Variants in PTPN6 observed in about 807,000 individuals in gnomAD.
PTPN6 encodes protein tyrosine phosphatase non-receptor type 6, also known as tyrosine-protein phosphatase non-receptor type 6.
A neutral mutation model predicts 81.5 loss-of-function variants in PTPN6; 18 were observed. The ratio of observed to expected loss-of-function variants is 0.22; its 90% CI spans 0.15 to 0.33. The LOEUF (loss-of-function observed/expected upper bound fraction) is 0.33. Among genes scored for constraint, PTPN6 ranks in the 10% least tolerant of loss-of-function variants. The pLI is 1.00. For synonymous variants in PTPN6, 301 were observed against 310.9 expected (o/e 0.97, Z 0.33); for missense variants, 500 against 794.2 (o/e 0.63, Z 4.45).
chr12:6,961,002 T>C (rs782512613), intron 15 of PTPN6, 57 bp downstream of exon 15: 2 of 1,547,220 alleles, frequency 1.3e-6, no homozygotes, highest in Non-Finnish European at 1.7e-6. Flanking sequence ...TTGGCTCCAC[T>C]GCCTTCCCTG....
In PTPN6 at chr12:6,956,646, G is replaced by A. The variant is rs1946037938; in HGVS notation, c.1074+78G>A. The A allele has an allele frequency of 6.3e-7, 1 of 1,579,420 alleles. No individual in the cohort carries two copies. Among genetic ancestry groups the A allele is most frequent in the South Asian group, 1.1e-5 (1 of 89,830 alleles). On this transcript the variant is annotated intron_variant, in intron 9 of 15. Transcript: ENST00000318974. The surrounding 1 kb of genome is among the most constrained non-coding windows in gnomAD (Gnocchi z 4.1). ...TAAGTCGAAGAGCAGTCAGATGCCA[G>A]GGCAGAAAGGGATCTCAGGGGTGAG...
At position 6,957,244 on chromosome 12, in the gene PTPN6, T is replaced by C. The variant is rs1946047995; in HGVS notation, c.1075-410T>C. On this transcript the variant is annotated intron_variant, in intron 9 of 15. Coordinates refer to ENST00000318974, the MANE Select transcript of PTPN6 (RefSeq NM_002831.6). This position sits in a 1 kb window ranked among gnomAD's most constrained non-coding sequence, Gnocchi z 6.5. ...GCCTCCTCTGTGAATCCAGGTCTTG[T>C]TTCCTCCAGGACCTAGAGGGAGAAT... 6.6e-6 allele frequency among the ~76,000 whole-genome samples: 1 copy of C among 152,220 alleles called. No individual in the cohort carries two copies. Among genetic ancestry groups the C allele is most frequent in the Non-Finnish European group, 1.5e-5 (1 of 68,034 alleles).
Position 6,960,003 on chromosome 12 carries a change from C to T in PTPN6, c.1429+9C>T, listed in dbSNP as rs1555149420. Reference sequence around the variant, plus strand: ...GAACATCTCCACCAAGGGTGAGGGGCACCTGGGGGTTTGGGGGTGGGGGGT... The same window carrying T: ...GAACATCTCCACCAAGGGTGAGGGGTACCTGGGGGTTTGGGGGTGGGGGGT... On this transcript the variant is annotated intron_variant, in intron 12 of 15. Coordinates refer to ENST00000318974, the MANE Select transcript of PTPN6 (RefSeq NM_002831.6). The surrounding 1 kb of genome is among the most constrained non-coding windows in gnomAD (Gnocchi z 6.1). 3.1e-6 allele frequency: 5 copies of T among 1,600,168 alleles called. No homozygotes were observed. Among genetic ancestry groups the T allele is most frequent in the African/African-American group, 2.7e-5 (2 of 74,384 alleles).
In PTPN6 at chr12:6,957,162, C is replaced by T. The variant is rs1946046177; in HGVS notation, c.1075-492C>T. Among the ~76,000 whole-genome samples, 2 of 152,352 alleles carry T rather than the reference C, an allele frequency of 1.3e-5. No homozygotes were observed. The highest frequency in any genetic ancestry group is 4.1e-4 in the South Asian group (2 of 4,820). ...TCATTTTCTGCTAGGAAATGACTCT[C>T]TCCACACTATCTCTGCCTGGCAGAT... On this transcript the variant is annotated intron_variant, in intron 9 of 15. Transcript: ENST00000318974. The surrounding 1 kb of genome is among the most constrained non-coding windows in gnomAD (Gnocchi z 6.5).
upstream of PTPN6, among the ~76,000 whole-genome samples, chr12:6,950,533 G>A (rs1423766876): frequency 6.6e-6 from 1 of 152,168 alleles, no homozygotes. Context: ...GAGGCCTAGG[G>A]ACAAGAATTA....
Position 6,954,753 on chromosome 12 carries a change from G to A in PTPN6, c.327-52G>A, listed in dbSNP as rs1565581464. 7.6e-6 allele frequency: 12 copies of A among 1,568,758 alleles called. No individual in the cohort carries two copies. The highest frequency in any genetic ancestry group is 1.0e-5 in the Non-Finnish European group (12 of 1,150,158). ...CCCTCTCTGTGAATGTCTCTGCTCA[G>A]CGCCTTCCCCTGTGGCCTGGGTCTT... On this transcript the variant is annotated intron_variant, in intron 3 of 15. Coordinates refer to ENST00000318974, the MANE Select transcript of PTPN6 (RefSeq NM_002831.6). The surrounding 1 kb of genome is among the most constrained non-coding windows in gnomAD (Gnocchi z 5.4).
chr12:6,951,821 G>C lies in PTPN6; in HGVS notation c.131+90G>C. On this transcript the variant is annotated intron_variant, in intron 2 of 15. Coordinates refer to ENST00000318974, the MANE Select transcript of PTPN6 (RefSeq NM_002831.6). The surrounding 1 kb of genome is among the most constrained non-coding windows in gnomAD (Gnocchi z 7.2). ...CACTCATTCCTGGTTCCCCGTGGCA[G>C]TGCTGACTCCCCGTCTGTTCCCTTG... The C allele has an allele frequency of 6.3e-7, 1 of 1,595,484 alleles. No homozygotes were observed.
chr12:6,954,206 G>C lies in PTPN6; in HGVS notation c.327-599G>C, dbSNP rs186126787. Among the ~76,000 whole-genome samples the C allele has an allele frequency of 1.3e-5, 2 of 152,094 alleles. No homozygotes were observed. Among genetic ancestry groups the C allele is most frequent in the Non-Finnish European group, 2.9e-5 (2 of 68,002 alleles). On this transcript the variant is annotated intron_variant, in intron 3 of 15. Transcript: ENST00000318974. The surrounding 1 kb of genome is among the most constrained non-coding windows in gnomAD (Gnocchi z 5.4). ...TTTCCCCAGTGGGGTTGTCTTCCCC[G>C]CCTCCCTGGCGGAGCGCACCCCATC...
At chr12:6,958,422 G>C (rs782472050) in intron 11 of PTPN6, among the ~76,000 whole-genome samples, 10 of 152,248 alleles carry the variant, frequency 6.6e-5, no homozygotes, top group African/African-American at 2.4e-4. Context: ...CCTGTGTCCC[G>C]GCTGCTCCGC....
chr12:6,955,757 G>A lies in PTPN6; in HGVS notation c.844+1G>A. The A allele has an allele frequency of 6.2e-7, 1 of 1,613,602 alleles. No individual in the cohort carries two copies. ...AACCGCTACAAGAACATTCTCCCCTGTGAGCACCCAGGCTGCCCCATTCAC... is the reference window on the plus strand; with the variant it reads ...AACCGCTACAAGAACATTCTCCCCTATGAGCACCCAGGCTGCCCCATTCAC... On this transcript the variant is annotated splice_donor_variant, in intron 7 of 15. Coordinates refer to ENST00000318974, the MANE Select transcript of PTPN6 (RefSeq NM_002831.6). LOFTEE classifies it high-confidence loss of function. This position sits in a 1 kb window ranked among gnomAD's most constrained non-coding sequence, Gnocchi z 7.2.
rs1236132454 is a variant in PTPN6, at chr12:6,957,090, C to G, written c.1074+522C>G. On this transcript the variant is annotated intron_variant, in intron 9 of 15. Coordinates refer to ENST00000318974, the MANE Select transcript of PTPN6 (RefSeq NM_002831.6). The surrounding 1 kb of genome is among the most constrained non-coding windows in gnomAD (Gnocchi z 6.5). ...CGCTTCTCTTGAAGGCTCACCGCCC[C>G]CAGCAGCCCCAGCTCTTTCAGGTTC... Among the ~76,000 whole-genome samples, 1 of 152,226 alleles carries G rather than the reference C, an allele frequency of 6.6e-6. No homozygotes were observed. Among genetic ancestry groups the G allele is most frequent in the African/African-American group, 2.4e-5 (1 of 41,450 alleles).
upstream of PTPN6, chr12:6,951,139 A>G (rs781957008): frequency 3.7e-5 from 37 of 1,002,894 alleles, no homozygotes; most frequent in African/African-American, 5.7e-4. The surrounding 1 kb of genome is among the most constrained non-coding windows in gnomAD (Gnocchi z 7.2). Context: ...CAAGGCACAC[A>G]TGTGTCCTTA....
In PTPN6 at chr12:6,956,703, G is replaced by A. The variant is rs1433153740; in HGVS notation, c.1074+135G>A. The stretch of plus-strand genomic sequence containing the variant: ...GCCCTTGTTGGGAAACTGAGGGCTA[G>A]TGACAAAGTCTCGACTACACAACGT... On this transcript the variant is annotated intron_variant, in intron 9 of 15. Transcript: ENST00000318974. The surrounding 1 kb of genome is among the most constrained non-coding windows in gnomAD (Gnocchi z 4.1). The A allele has an allele frequency of 8.2e-6, 10 of 1,215,404 alleles. No homozygotes were observed. In the African/African-American group the frequency reaches 1.5e-4, roughly 18 times the overall value. The allele number at this position is 1,215,404 out of a possible 1,614,324, so 75.3% of individuals were successfully genotyped here. A position where few individuals can be genotyped will look rare whatever the true frequency, so the allele number is the denominator to read the frequency against.
rs1946093586 is a variant in PTPN6, at chr12:6,959,672, G to A, written c.1362-255G>A. 17 of 587,450 alleles carry A rather than the reference G, an allele frequency of 2.9e-5. No individual in the cohort carries two copies. The highest frequency in any genetic ancestry group is 1.2e-4 in the Admixed American group (4 of 33,628). The allele number at this position is 587,450 out of a possible 1,614,324, so 36.4% of individuals were successfully genotyped here. On this transcript the variant is annotated intron_variant, in intron 11 of 15. Transcript: ENST00000318974. This position sits in a 1 kb window ranked among gnomAD's most constrained non-coding sequence, Gnocchi z 6.6. ...CACTCACTAGGAGTGAGGAGTCGGC[G>A]CGAGGAGTGGAGGAGGGAAGGATGG...
In PTPN6 at chr12:6,955,041, G is replaced by A. The variant is rs1039340221; in HGVS notation, c.516+47G>A. Reference sequence around the variant, plus strand: ...GGAGCCTCTGCTGAGGCTCCTGTCTGTGACCACAGTGTGGGTGGCAGGGAG... The same window carrying A: ...GGAGCCTCTGCTGAGGCTCCTGTCTATGACCACAGTGTGGGTGGCAGGGAG... On this transcript the variant is annotated intron_variant, in intron 4 of 15. Coordinates refer to ENST00000318974, the MANE Select transcript of PTPN6 (RefSeq NM_002831.6). This position sits in a 1 kb window ranked among gnomAD's most constrained non-coding sequence, Gnocchi z 7.2. 4 of 1,611,094 alleles carry A rather than the reference G, an allele frequency of 2.5e-6. No individual in the cohort carries two copies. The highest frequency in any genetic ancestry group is 4.5e-5 in the East Asian group (2 of 44,890).
At position 6,960,442 on chromosome 12, in the gene PTPN6, G is replaced by A. The variant is rs782307368; in HGVS notation, c.1673+7G>A. On this transcript the variant is annotated splice_region_variant and intron_variant, in intron 14 of 15. Coordinates refer to ENST00000318974, the MANE Select transcript of PTPN6 (RefSeq NM_002831.6). The surrounding 1 kb of genome is among the most constrained non-coding windows in gnomAD (Gnocchi z 6.1). ...CCTCCCGCACCTCGTCCAAGTGAGTGGCCCTGACTGCCACTGCCCGGCATC... is the reference window on the plus strand; with the variant it reads ...CCTCCCGCACCTCGTCCAAGTGAGTAGCCCTGACTGCCACTGCCCGGCATC... 1.9e-6 allele frequency: 3 copies of A among 1,612,792 alleles called. No homozygotes were observed. Among genetic ancestry groups the A allele is most frequent in the South Asian group, 2.2e-5 (2 of 91,046 alleles).
Position 6,951,741 on chromosome 12 carries a change from C to T in PTPN6, c.131+10C>T, listed in dbSNP as rs782652727. 1 of 1,609,760 alleles carries T rather than the reference C, an allele frequency of 6.2e-7. No individual in the cohort carries two copies. Among genetic ancestry groups the T allele is most frequent in the African/African-American group, 1.3e-5 (1 of 74,834 alleles). On this transcript the variant is annotated intron_variant, in intron 2 of 15. Transcript: ENST00000318974. This position sits in a 1 kb window ranked among gnomAD's most constrained non-coding sequence, Gnocchi z 7.2. The stretch of plus-strand genomic sequence containing the variant: ...TCTCGCTCTCCGTCAGGTAGGTGGG[C>T]CCCCCGCAACCCCGGGCATTTTGGC...
rs1019356212 is a variant in PTPN6, at chr12:6,959,798, G to A, written c.1362-129G>A. The A allele has an allele frequency of 1.8e-5, 18 of 986,420 alleles. No individual in the cohort carries two copies. The highest frequency in any genetic ancestry group is 2.7e-5 in the Non-Finnish European group (17 of 626,802). 61.1% of individuals were successfully genotyped at this position (986,420 alleles called of 1,614,324 possible). ...ATCATCACTTGCCCGGTGACCCTGG[G>A]CACATTCCCTCCCATCACTGGAGGC... On this transcript the variant is annotated intron_variant, in intron 11 of 15. Transcript: ENST00000318974. The surrounding 1 kb of genome is among the most constrained non-coding windows in gnomAD (Gnocchi z 6.6).
chr12:6,952,130 C>T lies in PTPN6; in HGVS notation c.279C>T (p.Ile93=). Residue 93 remains isoleucine (I), a synonymous_variant, in exon 3 of 16, where the codon ATC becomes ATT. Transcript: ENST00000318974. This position sits in a 1 kb window ranked among gnomAD's most constrained non-coding sequence, Gnocchi z 8.1. ...TCCTGCAGGACCGCGACGGCACCATCATCCACCTCAAGTACCCGCTGAACT... is the reference window on the plus strand; with the variant it reads ...TCCTGCAGGACCGCGACGGCACCATTATCCACCTCAAGTACCCGCTGAACT... ...QGVLQDRDGT[I]IHLKYPLNCS... 6.2e-7 allele frequency: 1 copy of T among 1,614,186 alleles called. No homozygotes were observed. Among genetic ancestry groups the T allele is most frequent in the Non-Finnish European group, 8.5e-7 (1 of 1,180,028 alleles).
Sources: allele counts gnomAD v4.1 joint callset (sites outside exome capture counted in the v4.1 genomes callset), GRCh38; gene constraint gnomAD v4.1.1; non-coding constraint Gnocchi (gnomAD v3.1); transcripts MANE v1.5; gene names NCBI Gene and HGNC (gene_info 2026-07-23, HGNC 2026-07-21).